CC2D2B: variants seen among roughly 807,000 people sequenced by gnomAD.
CC2D2B encodes the protein protein CC2D2B.
A neutral mutation model predicts 161.2 loss-of-function variants in CC2D2B; 128 were observed. The ratio of observed to expected loss-of-function variants is 0.79; its 90% CI spans 0.69 to 0.92. CC2D2B has a LOEUF of 0.92. Ranked by LOEUF, CC2D2B falls within the 40% of genes least tolerant of loss-of-function variation. The probability of loss-of-function intolerance (pLI) is 0.00; values close to 1 mark genes in which losing one functional copy is unlikely to be tolerated. For missense variants in CC2D2B, 1,173 were observed against 1,375.1 expected (o/e 0.85, Z 2.32); for synonymous variants, 391 against 449.8 (o/e 0.87, Z 1.65).
At chr10:95,914,932 T>G (rs1293158511) in intron 2 of CC2D2B, among the ~76,000 whole-genome samples, 1 of 152,210 alleles carries the variant, frequency 6.6e-6, no homozygotes, top group Non-Finnish European at 1.5e-5. Context: ...TTAGGATTAC[T>G]TTTTCTATTT....
intron 19 of CC2D2B, among the ~76,000 whole-genome samples, chr10:95,986,840 G>A (rs868109043): frequency 6.6e-5 from 10 of 151,834 alleles, no homozygotes; most frequent in East Asian, 3.9e-4. Flanking sequence ...TAAGTGATCC[G>A]CCCGCCTCGG....
chr10:95,987,864 A>T (rs1316362100), intron 19 of CC2D2B, among the ~76,000 whole-genome samples: 1 of 152,200 alleles, frequency 6.6e-6, no homozygotes, highest in Admixed American at 6.6e-5. Context: ...ACTTGAACCT[A>T]GGACTGTCTG....
At chr10:95,998,822 A>C (rs1227167474) in intron 24 of CC2D2B, among the ~76,000 whole-genome samples, 1 of 152,140 alleles carries the variant, frequency 6.6e-6, no homozygotes, top group African/African-American at 2.4e-5. Flanking sequence ...GTACCTAAAA[A>C]ATACCTTCAG....
At chr10:95,980,199 AAGGG>A (rs2077461962) in intron 17 of CC2D2B, among the ~76,000 whole-genome samples, 1 of 144,858 alleles carries the variant, frequency 6.9e-6, no homozygotes, top group African/African-American at 2.5e-5. Context: ...GGAAGAGAGG[AAGGG>A]AGGGAGGGAG....
rs2079155221 is a variant in CC2D2B at position 96,015,455 on chromosome 10, TAGAG to T, written c.3517-745_3517-742del. ...TGAGCATTTGGACCCAAGTCTTTGC[TAGAG>T]TTTGTTTTTGTTTTTTTTTTCAACA... is the stretch of plus-strand genomic sequence containing the variant. On this transcript the variant is annotated intron_variant, in intron 29 of 34. Transcript: ENST00000646931. Among the ~76,000 whole-genome samples the T allele has an allele frequency of 2.4e-5, 3 of 126,114 alleles. No individual in the cohort carries two copies. In the South Asian group the frequency reaches 8.4e-4, roughly 35 times the overall value. The allele number at this position is 126,114 out of a possible 152,430, so 82.7% of individuals were successfully genotyped here.
intron 6 of CC2D2B, among the ~76,000 whole-genome samples, chr10:95,935,360 G>A (rs562311302): frequency 6.6e-6 from 1 of 152,162 alleles, no homozygotes; most frequent in Non-Finnish European, 1.5e-5. Context: ...AGCCTCTCTG[G>A]TACTTCACCA....
At position 95,944,557 on chromosome 10, in the gene CC2D2B, G is replaced by A. The variant is rs533125948; in HGVS notation, c.802-5339G>A. On this transcript the variant is annotated intron_variant, in intron 9 of 34. Coordinates refer to ENST00000646931, the MANE Select transcript of CC2D2B (RefSeq NM_001349008.3). ...GAGATATTTTGGTGTAATTATCTGG[G>A]ATCATTGCTTTTAGGAGAGAGGCCT... is the stretch of plus-strand genomic sequence containing the variant. 3.3e-5 allele frequency among the ~76,000 whole-genome samples: 5 copies of A among 152,274 alleles called. No homozygotes were observed. The South Asian group carries it at 6.2e-4, about 19-fold the overall frequency.
chr10:95,945,352 C>T (rs542537800), intron 9 of CC2D2B, among the ~76,000 whole-genome samples: 1 of 152,260 alleles, frequency 6.6e-6, no homozygotes, highest in South Asian at 2.1e-4. Context: ...TTTACGGTCT[C>T]TCACCAGAAT....
chr10:96,021,670 A>G (rs2079467482), intron 32 of CC2D2B: 1 of 152,222 alleles, frequency 6.6e-6, no homozygotes, highest in African/African-American at 2.4e-5. Flanking sequence ...AAAGCTGTAT[A>G]TGGTTTATGT....
In CC2D2B at chr10:95,981,988, G is replaced by A. The variant is rs1449102020; in HGVS notation, c.1957G>A (p.Val653Ile). The part of the protein sequence containing the change: ...RSSYCSMLRN[V>I]DARSVPGIPW... ...TCTCTATGTTAGTATGTTAAGGAAT[G>A]TAGATGCAAGAAGTGTTCCTGGAAT... The change falls in exon 18 of 35, where the codon GTA becomes ATA. Residue 653 changes from valine (V) to isoleucine (I), a missense_variant. By Grantham distance (29) the Val-to-Ile change is conservative. Transcript: ENST00000646931. The A allele has an allele frequency of 2.4e-6, 3 of 1,229,276 alleles. No individual in the cohort carries two copies. The highest frequency in any genetic ancestry group is 6.3e-5 in the East Asian group (2 of 31,634). 76.1% of individuals were successfully genotyped at this position (1,229,276 alleles called of 1,614,324 possible).
chr10:95,969,090 G>A (rs2077036074), intron 15 of CC2D2B, among the ~76,000 whole-genome samples, 189 bp downstream of exon 15: 1 of 152,128 alleles, frequency 6.6e-6, no homozygotes, highest in Non-Finnish European at 1.5e-5. Context: ...TAAGTACAAA[G>A]TTATTTGATT....
chr10:96,018,512 G>A lies in CC2D2B; in HGVS notation c.3631-691G>A, dbSNP rs570491277. Among the ~76,000 whole-genome samples, 226 of 152,208 alleles carry A rather than the reference G, an allele frequency of 1.5e-3. 1 individual carries two copies. Among genetic ancestry groups the A allele is most frequent in the African/African-American group, 5.2e-3 (215 of 41,528 alleles). On this transcript the variant is annotated intron_variant, in intron 30 of 34. Coordinates refer to ENST00000646931, the MANE Select transcript of CC2D2B (RefSeq NM_001349008.3). ...GCAGGGATAGTCCATATAGCATCTT[G>A]TATGAATTAGACAAAAGTGCCCTAC... is the stretch of plus-strand genomic sequence containing the variant.
intron 11 of CC2D2B, among the ~76,000 whole-genome samples, chr10:95,960,346 C>A (rs2076718983): frequency 6.6e-6 from 1 of 151,958 alleles, no homozygotes; most frequent in South Asian, 2.1e-4. Context: ...CCTGAAGTAC[C>A]CTGAACCTTG....
intron 14 of CC2D2B, among the ~76,000 whole-genome samples, chr10:95,966,794 C>T (rs74151221): frequency 0.018 from 2,776 of 152,136 alleles, 97 homozygotes; most frequent in African/African-American, 0.064. Flanking sequence ...CAATTTTCTT[C>T]TTTGACATTA....
intron 19 of CC2D2B, among the ~76,000 whole-genome samples, chr10:95,986,183 T>C (rs893836306): frequency 2.7e-5 from 4 of 150,696 alleles, no homozygotes; most frequent in Non-Finnish European, 5.9e-5. Context: ...TAATAAAAAC[T>C]TGCTGGTTTT....
intron 12 of CC2D2B, 117 bp downstream of exon 12, chr10:95,962,086 A>G (rs1033045783): frequency 3.8e-6 from 2 of 524,750 alleles, no homozygotes; most frequent in Non-Finnish European, 5.8e-6. Context: ...CATGTAGTCA[A>G]CAAAGAATTT....
intron 24 of CC2D2B, among the ~76,000 whole-genome samples, chr10:95,997,913 TA>T (rs2078292966): frequency 6.6e-6 from 1 of 152,214 alleles, no homozygotes; most frequent in Non-Finnish European, 1.5e-5. Flanking sequence ...AACTCTTTTC[TA>T]AAGTGATTAT....
rs937701553 is a variant in CC2D2B at position 95,935,067 on chromosome 10, C to T, written c.337-2924C>T. On this transcript the variant is annotated intron_variant, in intron 6 of 34. Transcript: ENST00000646931. ...TGTATTTTTAGTAGAGATGGGGTTT[C>T]GCTGTGTTGGCCAGGCTGGTCTCAA... Among the ~76,000 whole-genome samples the T allele has an allele frequency of 4.9e-4, 75 of 152,078 alleles. 2 individuals are homozygous for T. The highest frequency in any genetic ancestry group is 1.0e-4 in the Non-Finnish European group (7 of 68,024).
At chr10:95,925,933 G>T in intron 5 of CC2D2B, among the ~76,000 whole-genome samples, 1 of 152,018 alleles carries the variant, frequency 6.6e-6, no homozygotes, top group East Asian at 1.9e-4. Flanking sequence ...AGAGTTGGGA[G>T]AAAAGACTGT....
Sources: gnomAD v4.1 joint callset for allele counts (sites outside exome capture counted in the v4.1 genomes callset) on GRCh38, gnomAD v4.1.1 for gene constraint, MANE v1.5 for transcripts, NCBI Gene and HGNC (gene_info 2026-07-23, HGNC 2026-07-21) for gene names.